The following ACTR3C variants were observed in gnomAD, a reference collection of about 807,000 sequenced individuals.
ACTR3C encodes actin-related protein 3C.
In ACTR3C, 18 loss-of-function variants were observed where a neutral mutation model predicts 26.3. The ratio of observed to expected loss-of-function variants is 0.68; its 90% CI spans 0.47 to 1.01. ACTR3C has a LOEUF of 1.01. ACTR3C is among the 50% of genes least tolerant of loss of function. The pLI is 0.00. For synonymous variants in ACTR3C, 55 were observed against 94.5 expected (o/e 0.58, Z 2.42); for missense variants, 184 against 250.7 (o/e 0.73, Z 1.80).
chr7:150,023,259 CTATATA>C, the ACTR3C span, among the ~76,000 whole-genome samples: 1 of 50,254 alleles, frequency 2.0e-5, no homozygotes, highest in East Asian at 8.1e-4. Flanking sequence ...ATATAGATCT[CTATATA>C]TCTCTATATG....
chr7:150,242,672 G>C (rs148641750), downstream of ACTR3C, among the ~76,000 whole-genome samples: 1 of 152,212 alleles, frequency 6.6e-6, no homozygotes, highest in African/African-American at 2.4e-5. Context: ...AAAGGAGTAT[G>C]TATGTGTGTT....
At chr7:149,982,372 TC>T in the ACTR3C span, among the ~76,000 whole-genome samples, 1 of 152,304 alleles carries the variant, frequency 6.6e-6, no homozygotes, top group South Asian at 2.1e-4. Flanking sequence ...TTGGTCCTGT[TC>T]TTTATCCTCC....
At chr7:149,899,731 C>G in the ACTR3C span, among the ~76,000 whole-genome samples, 1 of 150,332 alleles carries the variant, frequency 6.7e-6, no homozygotes, top group Non-Finnish European at 1.5e-5. Context: ...TGCAAAGAAA[C>G]AATGGCTAAA....
the ACTR3C span, among the ~76,000 whole-genome samples, chr7:150,064,685 C>T: frequency 6.8e-6 from 1 of 148,076 alleles, no homozygotes; most frequent in African/African-American, 2.5e-5. Flanking sequence ...CACACACACA[C>T]GTAATCCTGG....
chr7:150,041,016 A>G, the ACTR3C span, among the ~76,000 whole-genome samples: 3 of 149,984 alleles, frequency 2.0e-5, no homozygotes, highest in Non-Finnish European at 2.9e-5. Flanking sequence ...GACGTAGGCT[A>G]CCGGCCTCAG....
chr7:150,082,029 G>T, the ACTR3C span, among the ~76,000 whole-genome samples: 1 of 151,968 alleles, frequency 6.6e-6, no homozygotes, highest in Non-Finnish European at 1.5e-5. Context: ...GTCACCCTTT[G>T]CCCTTAGCAA....
the ACTR3C span, among the ~76,000 whole-genome samples, chr7:150,150,763 T>C: frequency 5.5e-3 from 760 of 138,704 alleles, 62 homozygotes; most frequent in African/African-American, 0.018. Flanking sequence ...TTAAATATTA[T>C]GTAAATTATC....
chr7:150,195,100 C>CATATATGTATATATATATATATGTATAT, the ACTR3C span, among the ~76,000 whole-genome samples: 1 of 137,898 alleles, frequency 7.3e-6, no homozygotes, highest in Non-Finnish European at 1.5e-5. Flanking sequence ...TTTCAAAATA[C>CATATATGTATATATATATATATGTATAT]ATATATGTAT....
chr7:150,251,805 T>G (rs1335083359), intron 6 of ACTR3C, among the ~76,000 whole-genome samples: 3 of 152,178 alleles, frequency 2.0e-5, no homozygotes, highest in Middle Eastern at 3.2e-3. Flanking sequence ...ATTAGGTTTT[T>G]GTTTATTATC....
At chr7:149,973,065 T>C in the ACTR3C span, among the ~76,000 whole-genome samples, 3 of 150,910 alleles carry the variant, frequency 2.0e-5, no homozygotes, top group African/African-American at 7.3e-5. Context: ...TCATAGTGAG[T>C]GTCCCCAGGT....
Position 150,274,476 on chromosome 7 carries a change from T to C in ACTR3C, c.564+10277A>G, listed in dbSNP as rs1834702403. 6.6e-6 allele frequency among the ~76,000 whole-genome samples: 1 copy of C among 152,230 alleles called. No homozygotes were observed. Among genetic ancestry groups the C allele is most frequent in the South Asian group, 2.1e-4 (1 of 4,830 alleles). On this transcript the variant is annotated intron_variant, in intron 6 of 7. Coordinates refer to ENST00000683684, the MANE Select transcript of ACTR3C (RefSeq NM_001164458.2). The surrounding 1 kb of genome is among the most constrained non-coding windows in gnomAD (Gnocchi z 4.1). ...CAGGAAACCAAAAAATGTGTGTGGC[T>C]CACTTCATTGCACCATTCACTTCAC...
the ACTR3C span, among the ~76,000 whole-genome samples, chr7:150,169,388 GAAAA>G: frequency 3.3e-5 from 4 of 120,142 alleles, no homozygotes; most frequent in South Asian, 2.6e-4. Context: ...ATTTCAAAAG[GAAAA>G]AAAAAAAAAA....
chr7:150,059,898 T>C, the ACTR3C span, among the ~76,000 whole-genome samples: 7 of 152,142 alleles, frequency 4.6e-5, no homozygotes, highest in Non-Finnish European at 1.5e-5. Context: ...TTCAGAACAC[T>C]AGTAATCAGA....
At chr7:149,899,217 A>G in the ACTR3C span, among the ~76,000 whole-genome samples, 8,775 of 151,938 alleles carry the variant, frequency 0.058, 445 homozygotes, top group East Asian at 0.28. Flanking sequence ...CGTGGCAAAA[A>G]CCAGTAACAT....
chr7:150,174,647 G>A, the ACTR3C span, among the ~76,000 whole-genome samples: 1 of 138,852 alleles, frequency 7.2e-6, no homozygotes, highest in Non-Finnish European at 1.5e-5. Flanking sequence ...GGACAAATTT[G>A]TTGAAAGACA....
the ACTR3C span, among the ~76,000 whole-genome samples, chr7:149,935,547 A>G: frequency 2.7e-5 from 4 of 149,740 alleles, no homozygotes; most frequent in African/African-American, 9.8e-5. Flanking sequence ...GATTACAGGC[A>G]TGAGCCACCA....
chr7:149,949,775 G>A, the ACTR3C span, among the ~76,000 whole-genome samples: 12 of 146,988 alleles, frequency 8.2e-5, 2 homozygotes, highest in African/African-American at 3.3e-4. Context: ...CTGGCCTTTA[G>A]TGGATTCCCT....
At chr7:150,118,553 C>T in the ACTR3C span, among the ~76,000 whole-genome samples, 57 of 144,690 alleles carry the variant, frequency 3.9e-4, no homozygotes, top group African/African-American at 1.2e-3. Flanking sequence ...TGAAAAGAAA[C>T]GAACAAAACC....
At chr7:149,987,232 A>G in the ACTR3C span, among the ~76,000 whole-genome samples, 1 of 152,228 alleles carries the variant, frequency 6.6e-6, no homozygotes, top group Admixed American at 6.5e-5. Flanking sequence ...AATCTTTGTG[A>G]GCAGCTTTTT....
Sources: gnomAD v4.1 joint callset for allele counts (sites outside exome capture counted in the v4.1 genomes callset) on GRCh38, gnomAD v4.1.1 for gene constraint, Gnocchi (gnomAD v3.1) non-coding constraint, MANE v1.5 for transcripts, NCBI Gene and HGNC (gene_info 2026-07-23, HGNC 2026-07-21) for gene names.